SUGCT: variants seen among roughly 807,000 people sequenced by gnomAD.
SUGCT encodes succinyl-CoA:glutarate-CoA transferase.
In SUGCT, 41 loss-of-function variants were observed where a neutral mutation model predicts 55.0. The ratio of observed to expected loss-of-function variants is 0.74; its 90% CI spans 0.58 to 0.97. SUGCT has a LOEUF of 0.97. SUGCT is among the 50% of genes least tolerant of loss of function. The pLI is 0.00. For synonymous variants in SUGCT, 187 were observed against 200.4 expected, an observed-to-expected ratio of 0.93 and a Z score of 0.56; for missense variants, 568 against 547.8, an observed-to-expected ratio of 1.04 and a Z score of -0.37.
chr7:40,553,161 T>G (rs997127141), intron 12 of SUGCT, among the ~76,000 whole-genome samples: 11 of 152,340 alleles, frequency 7.2e-5, no homozygotes, highest in African/African-American at 2.6e-4. Context: ...CCTTGCAGTG[T>G]TTCTGAGTTT....
intron 11 of SUGCT, among the ~76,000 whole-genome samples, chr7:40,494,829 C>CT (rs990565988): frequency 4.0e-5 from 6 of 151,824 alleles, no homozygotes; most frequent in African/African-American, 1.5e-4. Flanking sequence ...CCATTTTTTT[C>CT]TTTTTATTTC....
chr7:41,017,589 T>C, the SUGCT span, among the ~76,000 whole-genome samples: 1 of 151,782 alleles, frequency 6.6e-6, no homozygotes, highest in Admixed American at 6.6e-5. Context: ...GCTAACACAA[T>C]GAAACCCCGT....
At chr7:40,818,808 T>C (rs915907216) in intron 13 of SUGCT, among the ~76,000 whole-genome samples, 2 of 152,076 alleles carry the variant, frequency 1.3e-5, no homozygotes, top group Admixed American at 6.6e-5. Context: ...GTGCACAACA[T>C]GCAGGTTTGT....
chr7:40,671,545 T>C (rs895034220), intron 12 of SUGCT, among the ~76,000 whole-genome samples: 1 of 152,174 alleles, frequency 6.6e-6, no homozygotes, highest in African/African-American at 2.4e-5. Context: ...CACATCAAAA[T>C]CAATTGTATG....
the SUGCT span, among the ~76,000 whole-genome samples, chr7:41,029,991 A>G: frequency 6.6e-6 from 1 of 152,232 alleles, no homozygotes; most frequent in African/African-American, 2.4e-5. Context: ...CCACAATGTT[A>G]TAGAGTTGGA....
intron 9 of SUGCT, among the ~76,000 whole-genome samples, chr7:40,376,472 AC>A (rs2151268483): frequency 6.6e-6 from 1 of 151,588 alleles, no homozygotes; most frequent in Admixed American, 6.6e-5. Context: ...ACTCACTGCA[AC>A]CTCTGCCTTC....
At chr7:40,895,359 G>T in the SUGCT span, among the ~76,000 whole-genome samples, 1 of 151,896 alleles carries the variant, frequency 6.6e-6, no homozygotes, top group South Asian at 2.1e-4. Context: ...ATACCTATTG[G>T]GTACTATGTT....
At chr7:40,695,167 T>TTATA (rs1554403265) in intron 12 of SUGCT, among the ~76,000 whole-genome samples, 223 of 135,508 alleles carry the variant, frequency 1.6e-3, no homozygotes, top group Non-Finnish European at 2.9e-3. Context: ...AAACCCTTAT[T>TTATA]TTTATTTATT....
intron 12 of SUGCT, among the ~76,000 whole-genome samples, chr7:40,620,373 G>C (rs1275114678): frequency 6.6e-6 from 1 of 152,108 alleles, no homozygotes; most frequent in East Asian, 1.9e-4. Context: ...TGGCAAGCTA[G>C]TACTCTACCT....
intron 9 of SUGCT, among the ~76,000 whole-genome samples, chr7:40,341,440 C>T (rs1039533151): frequency 4.6e-5 from 7 of 152,138 alleles, no homozygotes; most frequent in South Asian, 2.1e-4. Flanking sequence ...AGAATGTATG[C>T]GCCTGCTGTT....
At chr7:40,357,975 G>A (rs1797959851) in intron 9 of SUGCT, among the ~76,000 whole-genome samples, 1 of 152,124 alleles carries the variant, frequency 6.6e-6, no homozygotes. Flanking sequence ...CAAAAAATAG[G>A]TCCTGCTTTA....
At chr7:40,824,833 C>G (rs529743612) in intron 13 of SUGCT, among the ~76,000 whole-genome samples, 1 of 152,342 alleles carries the variant, frequency 6.6e-6, no homozygotes, top group African/African-American at 2.4e-5. Flanking sequence ...CTCCTGATAA[C>G]TGGCATTAGT....
At chr7:40,523,251 C>G (rs1048748866) in intron 12 of SUGCT, among the ~76,000 whole-genome samples, 2 of 151,962 alleles carry the variant, frequency 1.3e-5, no homozygotes, top group African/African-American at 2.4e-5. Flanking sequence ...TGAATTTTAT[C>G]TAACATGCAG....
chr7:40,174,064 C>G (rs535998785), intron 1 of SUGCT, among the ~76,000 whole-genome samples: 3 of 151,784 alleles, frequency 2.0e-5, no homozygotes, highest in African/African-American at 7.2e-5. Flanking sequence ...ACTCTGTCCC[C>G]CAGGCTGGAG....
chr7:40,997,620 T>G, the SUGCT span, among the ~76,000 whole-genome samples: 1 of 152,196 alleles, frequency 6.6e-6, no homozygotes, highest in African/African-American at 2.4e-5. Context: ...TAAGGTTGCA[T>G]CTCTTAGAAA....
intron 9 of SUGCT, among the ~76,000 whole-genome samples, chr7:40,444,812 G>A (rs1788720590): frequency 6.6e-6 from 1 of 152,158 alleles, no homozygotes. Context: ...AGTTTTCAAA[G>A]GGAATGCTTC....
At chr7:40,623,990 C>T (rs557360690) in intron 12 of SUGCT, among the ~76,000 whole-genome samples, 28 of 152,058 alleles carry the variant, frequency 1.8e-4, no homozygotes, top group Admixed American at 1.6e-3. Flanking sequence ...GCCAAAATAC[C>T]AAGAAGGGTC....
chr7:40,873,081 G>A, the SUGCT span, among the ~76,000 whole-genome samples: 1 of 152,256 alleles, frequency 6.6e-6, no homozygotes, highest in East Asian at 1.9e-4. Context: ...AAGTCATAGG[G>A]TCTTCTCTAC....
At chr7:40,684,079 C>A in intron 12 of SUGCT, 2 of 1,612,386 alleles carry the variant, frequency 1.2e-6, no homozygotes, top group East Asian at 2.2e-5. Flanking sequence ...GCTTCCAAAG[C>A]CTGCTGCATT....
Sources: gnomAD v4.1 joint callset for allele counts (sites outside exome capture counted in the v4.1 genomes callset) on GRCh38, gnomAD v4.1.1 for gene constraint, MANE v1.5 for transcripts, NCBI Gene and HGNC (gene_info 2026-07-23, HGNC 2026-07-21) for gene names.